Variants in RCC1L observed in about 807,000 individuals in gnomAD.
RCC1L encodes the protein RCC1-like G exchanging factor-like protein.
In RCC1L, 46 loss-of-function variants were observed where a neutral mutation model predicts 58.6. That is an observed-to-expected ratio of 0.79 (90% CI 0.62 to 1.00). The LOEUF (loss-of-function observed/expected upper bound fraction) is 1.00, where lower values mean the gene tolerates loss of function less well. Ranked by LOEUF, RCC1L falls within the 50% of genes least tolerant of loss-of-function variation. The pLI is 0.00. For missense variants in RCC1L, 636 were observed against 623.6 expected (o/e 1.02, Z -0.21); for synonymous variants, 281 against 262.9 (o/e 1.07, Z -0.67).
intron 6 of RCC1L, 36 bp from the exon 7 acceptor site, chr7:75,058,805 G>A (rs1194240901): frequency 1.2e-5 from 20 of 1,611,982 alleles, no homozygotes; most frequent in South Asian, 4.4e-5. Context: ...TTAATTATTC[G>A]CTCTTTTAAC....
chr7:75,033,587 C>T (rs1008267603), intron 10 of RCC1L, among the ~76,000 whole-genome samples: 2 of 151,598 alleles, frequency 1.3e-5, no homozygotes, highest in South Asian at 2.1e-4. Context: ...CCCAGCTACT[C>T]GGGAGGCTAA....
chr7:75,049,847 C>T (rs1351351622), intron 10 of RCC1L, among the ~76,000 whole-genome samples: 5 of 152,164 alleles, frequency 3.3e-5, no homozygotes, highest in African/African-American at 1.2e-4. Flanking sequence ...TCACCACACT[C>T]CAGCTTGGGT....
intron 3 of RCC1L, among the ~76,000 whole-genome samples, chr7:75,065,752 T>A (rs2132006261): frequency 6.6e-6 from 1 of 152,142 alleles, no homozygotes; most frequent in Non-Finnish European, 1.5e-5. Flanking sequence ...GCATAGTGGG[T>A]CACGTCTATA....
intron 1 of RCC1L, among the ~76,000 whole-genome samples, chr7:75,072,155 CATATACATATATATATATATATATATAT>C (rs1806768438): frequency 2.1e-5 from 1 of 48,150 alleles, no homozygotes; most frequent in Admixed American, 3.4e-4. Flanking sequence ...TATACATATA[CATATACATATATATATATATATATATAT>C]ATATATATGG....
In RCC1L at chr7:75,042,754, A is replaced by G. The variant is rs1366976752; in HGVS notation, c.*278T>C. ...GAGACGTGACACCAGACACCGTCGCATGTTACTTGGAGAGAACAGAGACGT... is the reference window on the plus strand; with the variant it reads ...GAGACGTGACACCAGACACCGTCGCGTGTTACTTGGAGAGAACAGAGACGT... On this transcript the variant is annotated 3_prime_UTR_variant, in exon 11 of 11. Coordinates refer to ENST00000610322, the MANE Select transcript of RCC1L (RefSeq NM_030798.5). 5.0e-5 allele frequency: 69 copies of G among 1,381,164 alleles called. No homozygotes were observed. The highest frequency in any genetic ancestry group is 2.9e-4 in the Admixed American group (9 of 31,172). The allele number at this position is 1,381,164 out of a possible 1,614,324, so 85.6% of individuals were successfully genotyped here.
rs1270031932 is a variant in RCC1L, at chr7:75,042,592, G to C, written c.*440C>G. ...GGGCCGAAGCCAGCCTGACTCCCTC[G>C]CCTAAGCTGGGGCTCGGTCCGAGGC... On this transcript the variant is annotated 3_prime_UTR_variant, in exon 11 of 11. Transcript: ENST00000610322. 2.0e-6 allele frequency: 2 copies of C among 1,004,390 alleles called. No individual in the cohort carries two copies. The highest frequency in any genetic ancestry group is 4.2e-5 in the South Asian group (1 of 23,854). The allele number at this position is 1,004,390 out of a possible 1,614,324, so 62.2% of individuals were successfully genotyped here. A position where few individuals can be genotyped will look rare whatever the true frequency, so the allele number is the denominator to read the frequency against.
chr7:75,071,820 A>AC (rs1554446144), intron 1 of RCC1L, among the ~76,000 whole-genome samples: 1 of 152,028 alleles, frequency 6.6e-6, no homozygotes, highest in East Asian at 1.9e-4. Context: ...TGATAATAGT[A>AC]CCATCTCTCT....
At chr7:75,040,343 C>T (rs1446244097), downstream of RCC1L, among the ~76,000 whole-genome samples, 2 of 152,094 alleles carry the variant, frequency 1.3e-5, no homozygotes, top group African/African-American at 4.8e-5. Context: ...GCCTCTAGGC[C>T]CGGCTACTCG....
chr7:75,049,632 T>C (rs1424363655), intron 10 of RCC1L, among the ~76,000 whole-genome samples: 5 of 149,230 alleles, frequency 3.4e-5, no homozygotes, highest in Non-Finnish European at 7.4e-5. Context: ...GATCACACCA[T>C]ACTCCAGCCT....
intron 6 of RCC1L, 143 bp from the exon 7 acceptor site, chr7:75,058,912 C>T: frequency 1.0e-6 from 1 of 990,254 alleles, no homozygotes; most frequent in South Asian, 1.5e-5. Context: ...TGCAGTGGCT[C>T]ACGCCTGTAA....
intron 10 of RCC1L, among the ~76,000 whole-genome samples, chr7:75,045,981 C>G (rs935785100): frequency 2.6e-5 from 4 of 152,250 alleles, no homozygotes; most frequent in Admixed American, 6.5e-5. Flanking sequence ...GAAAGGGGAT[C>G]TGTCACAGTC....
At chr7:75,069,432 C>T (rs1806641605) in intron 2 of RCC1L, among the ~76,000 whole-genome samples, 1 of 151,670 alleles carries the variant, frequency 6.6e-6, no homozygotes, top group Non-Finnish European at 1.5e-5. Flanking sequence ...TCTGGAACTC[C>T]AGGCCTCAAG....
intron 10 of RCC1L, among the ~76,000 whole-genome samples, chr7:75,047,883 G>T (rs974741872): frequency 1.4e-5 from 2 of 138,932 alleles, no homozygotes; most frequent in East Asian, 4.7e-4. Flanking sequence ...CTGACCCCAT[G>T]ATCTGCCCAT....
intron 6 of RCC1L, among the ~76,000 whole-genome samples, chr7:75,059,336 C>T (rs1486720522): frequency 1.3e-5 from 2 of 150,722 alleles, no homozygotes; most frequent in East Asian, 3.9e-4. Context: ...GATCTCGGCT[C>T]ACTGCAATCT....
At chr7:75,029,451 C>A (rs1805237732) in intron 10 of RCC1L, among the ~76,000 whole-genome samples, 1 of 149,288 alleles carries the variant, frequency 6.7e-6, no homozygotes, top group Non-Finnish European at 1.5e-5. Flanking sequence ...TCAAGTGATT[C>A]TCCTGCCTCA....
rs1409466089 is a variant in RCC1L at position 75,042,999 on chromosome 7, C to T, written c.*33G>A. On this transcript the variant is annotated 3_prime_UTR_variant, in exon 11 of 11. Transcript: ENST00000610322. ...TCTGCCAAGGAGTGCCAGTGGTTCC[C>T]GGGACGGGGCCGCCCAAGCAGGTGA... 58 of 1,613,948 alleles carry T rather than the reference C, an allele frequency of 3.6e-5. No homozygotes were observed. The highest frequency in any genetic ancestry group is 4.5e-5 in the East Asian group (2 of 44,882).
intron 2 of RCC1L, 42 bp downstream of exon 2, chr7:75,070,598 A>G: frequency 6.2e-7 from 1 of 1,608,004 alleles, no homozygotes; most frequent in Non-Finnish European, 8.5e-7. Context: ...GAGCTTTCTC[A>G]GACCAATCCC....
intron 10 of RCC1L, among the ~76,000 whole-genome samples, chr7:75,036,709 C>T (rs1428616018): frequency 1.3e-5 from 2 of 152,068 alleles, no homozygotes; most frequent in Non-Finnish European, 2.9e-5. Flanking sequence ...GCCTGGCCAA[C>T]ATGGTGAAAC....
intron 1 of RCC1L, among the ~76,000 whole-genome samples, 171 bp from the exon 2 acceptor site, chr7:75,070,940 C>G (rs1458599363): frequency 6.6e-6 from 1 of 152,086 alleles, no homozygotes; most frequent in Non-Finnish European, 1.5e-5. Flanking sequence ...GTGGCGCAAT[C>G]TCGGCTCACT....
Sources: allele counts gnomAD v4.1 joint callset (sites outside exome capture counted in the v4.1 genomes callset), GRCh38; gene constraint gnomAD v4.1.1; transcripts MANE v1.5; gene names NCBI Gene and HGNC (gene_info 2026-07-23, HGNC 2026-07-21).